The following SH3BP4 variants were observed in gnomAD, a reference collection of about 807,000 sequenced individuals.
SH3BP4 encodes SH3 domain binding protein 4, also known as SH3 domain-binding protein 4.
A neutral mutation model predicts 65.5 loss-of-function variants in SH3BP4; 33 were observed. The observed-to-expected ratio is 0.50, with a 90% CI of 0.38 to 0.67. The LOEUF is 0.67. Among genes scored for constraint, SH3BP4 ranks in the 30% least tolerant of loss-of-function variants. The pLI is 0.00. For missense variants in SH3BP4, 1,134 were observed against 1,261.4 expected, an observed-to-expected ratio of 0.90 and a Z score of 1.53; for synonymous variants, 552 against 545.5, an observed-to-expected ratio of 1.01 and a Z score of -0.17.
chr2:235,042,049 C>T lies in SH3BP4; in HGVS notation c.1280C>T (p.Ser427Phe). 6.2e-7 allele frequency: 1 copy of T among 1,614,088 alleles called. No individual in the cohort carries two copies. The highest frequency in any genetic ancestry group is 1.1e-5 in the South Asian group (1 of 91,082). The change falls in exon 4 of 6, where the codon TCC becomes TTC. Residue 427 changes from serine to phenylalanine, a missense_variant. Transcript: ENST00000392011. The surrounding 1 kb of genome is among the most constrained non-coding windows in gnomAD (Gnocchi z 7.3). Reference sequence around the variant, plus strand: ...GACTCGAAGGAAGGGCCATATGTCTCCGTCCCGCTCAACTGCAGCTGTGGG... The same window carrying T: ...GACTCGAAGGAAGGGCCATATGTCTTCGTCCCGCTCAACTGCAGCTGTGGG... Reference protein sequence around the residue: ...RSDSKEGPYVSVPLNCSCGDT... With the variant: ...RSDSKEGPYVFVPLNCSCGDT...
chr2:234,976,784 C>T lies in SH3BP4; in HGVS notation c.-206-18519C>T, dbSNP rs1389690270. 6.6e-6 allele frequency among the ~76,000 whole-genome samples: 1 copy of T among 152,120 alleles called. No individual in the cohort carries two copies. Among genetic ancestry groups the T allele is most frequent in the Admixed American group, 6.5e-5 (1 of 15,278 alleles). The stretch of plus-strand genomic sequence containing the variant: ...AGCCGAGGGGCGTCTTACAGAATAC[C>T]TAACCAGGCCTCCTCTACTGTCAAG... On this transcript the variant is annotated intron_variant, in intron 1 of 5. Transcript: ENST00000392011. The surrounding 1 kb of genome is among the most constrained non-coding windows in gnomAD (Gnocchi z 4.7).
intron 3 of SH3BP4, among the ~76,000 whole-genome samples, chr2:235,037,299 C>T (rs1441387578): frequency 6.6e-6 from 1 of 152,058 alleles, no homozygotes; most frequent in Non-Finnish European, 1.5e-5. Context: ...TGCTTGGTGG[C>T]AGTTGACTGA....
chr2:235,049,763 C>A (rs1695984064), intron 4 of SH3BP4, among the ~76,000 whole-genome samples: 1 of 152,208 alleles, frequency 6.6e-6, no homozygotes, highest in Non-Finnish European at 1.5e-5. Flanking sequence ...GTTCAATTCC[C>A]AATTCCATGT....
intron 4 of SH3BP4, among the ~76,000 whole-genome samples, chr2:235,051,746 T>TC (rs1287899202): frequency 1.3e-5 from 2 of 151,806 alleles, no homozygotes; most frequent in Non-Finnish European, 1.5e-5. Flanking sequence ...CCTGCCTGAG[T>TC]CCCCCAGCCT....
At chr2:235,028,812 C>G (rs1201836343) in intron 2 of SH3BP4, among the ~76,000 whole-genome samples, 2 of 152,090 alleles carry the variant, frequency 1.3e-5, no homozygotes, top group African/African-American at 4.8e-5. Flanking sequence ...TAGGCTGGGG[C>G]CTTCTGGGCT....
chr2:234,969,872 C>T (rs112711796), intron 1 of SH3BP4, among the ~76,000 whole-genome samples: 1,900 of 152,156 alleles, frequency 0.012, 16 homozygotes, highest in African/African-American at 0.019. Flanking sequence ...CTGTCTCTCT[C>T]ACACACTCTC....
chr2:234,997,445 G>A lies in SH3BP4; in HGVS notation c.-133+2069G>A, dbSNP rs370621631. 2.6e-4 allele frequency among the ~76,000 whole-genome samples: 39 copies of A among 152,308 alleles called. No homozygotes were observed. In the East Asian group the frequency reaches 7.5e-3, roughly 29 times the overall value. ...GCTCCCACTGTCATCACCATCAGAG[G>A]TAGTTTATCCTGGTGCCTGGTGTCC... On this transcript the variant is annotated intron_variant, in intron 2 of 5. Transcript: ENST00000392011. This position sits in a 1 kb window ranked among gnomAD's most constrained non-coding sequence, Gnocchi z 4.2.
At chr2:235,010,448 G>T (rs948648203) in intron 2 of SH3BP4, among the ~76,000 whole-genome samples, 5 of 152,170 alleles carry the variant, frequency 3.3e-5, no homozygotes, top group African/African-American at 1.2e-4. Context: ...TCTGCATCTC[G>T]GTTTCCTCAT....
At position 235,034,823 on chromosome 2, in the gene SH3BP4, C is replaced by T; in HGVS notation, c.-132-48C>T. Reference sequence around the variant, plus strand: ...CTTCCCATAAAATTACCATTGAACCCATGTTTCGCTTGCTTAAGGGACTTT... The same window carrying T: ...CTTCCCATAAAATTACCATTGAACCTATGTTTCGCTTGCTTAAGGGACTTT... On this transcript the variant is annotated intron_variant, in intron 2 of 5. Coordinates refer to ENST00000392011, the MANE Select transcript of SH3BP4 (RefSeq NM_014521.3). The surrounding 1 kb of genome is among the most constrained non-coding windows in gnomAD (Gnocchi z 6.2). 5 of 589,074 alleles carry T rather than the reference C, an allele frequency of 8.5e-6. No individual in the cohort carries two copies. Among genetic ancestry groups the T allele is most frequent in the South Asian group, 2.0e-5 (1 of 49,064 alleles). 36.5% of individuals were successfully genotyped at this position (589,074 alleles called of 1,614,324 possible).
chr2:235,005,181 G>C (rs10754940), intron 2 of SH3BP4, among the ~76,000 whole-genome samples: 37,628 of 152,142 alleles, frequency 0.25, 6,465 homozygotes, highest in East Asian at 0.72. Context: ...GCTTGCTGTG[G>C]AAAGGCAGCT....
intron 2 of SH3BP4, among the ~76,000 whole-genome samples, chr2:234,998,273 A>G (rs1276112789): frequency 1.3e-5 from 2 of 152,162 alleles, no homozygotes; most frequent in African/African-American, 2.4e-5. Flanking sequence ...CACCCCCTCT[A>G]GACTGGCCAA....
intron 2 of SH3BP4, among the ~76,000 whole-genome samples, chr2:235,023,223 T>C (rs1241035050): frequency 6.6e-6 from 1 of 152,076 alleles, no homozygotes; most frequent in Non-Finnish European, 1.5e-5. Context: ...AAAGACCTGC[T>C]GGAATCAAGG....
intron 2 of SH3BP4, among the ~76,000 whole-genome samples, chr2:235,028,792 A>C (rs1036255479): frequency 6.6e-6 from 1 of 152,188 alleles, no homozygotes; most frequent in Non-Finnish European, 1.5e-5. Context: ...GGATGAGAGC[A>C]TCTCGTGTCT....
rs1281912975 is a variant in SH3BP4 at position 235,041,954 on chromosome 2, G to A, written c.1185G>A (p.Met395Ile). 1 of 1,613,556 alleles carries A rather than the reference G, an allele frequency of 6.2e-7. No individual in the cohort carries two copies. Reference sequence around the variant, plus strand: ...TGAAAACCTCTATCATCTTGGAGATGAAAGTGTCAGCCGAGATAAAAAATG... The same window carrying A: ...TGAAAACCTCTATCATCTTGGAGATAAAAGTGTCAGCCGAGATAAAAAATG... ...LEVKTSIILE[M>I]KVSAEIKNDL... Residue 395 changes from methionine to isoleucine, a missense_variant, in exon 4 of 6, where the codon ATG becomes ATA. Coordinates refer to ENST00000392011, the MANE Select transcript of SH3BP4 (RefSeq NM_014521.3). The surrounding 1 kb of genome is among the most constrained non-coding windows in gnomAD (Gnocchi z 6.0).
Position 234,977,808 on chromosome 2 carries a change from C to CACACACACATGCGT in SH3BP4, c.-206-17494_-206-17481dup, listed in dbSNP as rs1457074236. Among the ~76,000 whole-genome samples the CACACACACATGCGT allele has an allele frequency of 2.6e-5, 4 of 152,088 alleles. No individual in the cohort carries two copies. The highest frequency in any genetic ancestry group is 4.8e-5 in the African/African-American group (2 of 41,422). On this transcript the variant is annotated intron_variant, in intron 1 of 5. Transcript: ENST00000392011. This position sits in a 1 kb window ranked among gnomAD's most constrained non-coding sequence, Gnocchi z 5.1. ...ACACGCATATGCACACACATGGGCA[C>CACACACACATGCGT]ACACACACATGCGTGCACACACACG... is the stretch of plus-strand genomic sequence containing the variant.
intron 2 of SH3BP4, among the ~76,000 whole-genome samples, chr2:234,996,675 C>G (rs1484981791): frequency 6.6e-6 from 1 of 152,224 alleles, no homozygotes. Context: ...GGCATTCTTT[C>G]TGCCTGGCAT....
Position 235,042,530 on chromosome 2 carries a change from C to G in SH3BP4, c.1761C>G (p.Phe587Leu). ...TSQNPNELSD[F>L]TLRVQVKDDQ... ...AGAACCCCAACGAGCTCTCTGACTT[C>G]ACGCTGCGGGTTCAGGTGAAGGACG... The change falls in exon 4 of 6, where the codon TTC becomes TTG. Residue 587 changes from phenylalanine (F) to leucine (L), a missense_variant. Coordinates refer to ENST00000392011, the MANE Select transcript of SH3BP4 (RefSeq NM_014521.3). This position sits in a 1 kb window ranked among gnomAD's most constrained non-coding sequence, Gnocchi z 7.3. 1 of 1,614,220 alleles carries G rather than the reference C, an allele frequency of 6.2e-7. No individual in the cohort carries two copies. Among genetic ancestry groups the G allele is most frequent in the Non-Finnish European group, 8.5e-7 (1 of 1,180,042 alleles).
At chr2:234,989,061 G>A (rs1693671997) in intron 1 of SH3BP4, among the ~76,000 whole-genome samples, 1 of 152,120 alleles carries the variant, frequency 6.6e-6, no homozygotes, top group South Asian at 2.1e-4. Context: ...AAGTAGAAAG[G>A]CTTTTGTCCA....
intron 2 of SH3BP4, among the ~76,000 whole-genome samples, chr2:235,016,176 G>T (rs979730464): frequency 1.3e-5 from 2 of 151,696 alleles, no homozygotes; most frequent in African/African-American, 4.8e-5. Flanking sequence ...GGTAGTTAAG[G>T]TGGCCACTGC....
Sources: allele counts gnomAD v4.1 joint callset (sites outside exome capture counted in the v4.1 genomes callset), GRCh38; gene constraint gnomAD v4.1.1; non-coding constraint Gnocchi (gnomAD v3.1); transcripts MANE v1.5; gene names NCBI Gene and HGNC (gene_info 2026-07-23, HGNC 2026-07-21).